The following GAA variants were observed in gnomAD, a reference collection of about 807,000 sequenced individuals.
GAA encodes alpha glucosidase, also known as lysosomal alpha-glucosidase.
In GAA, 88 loss-of-function variants were observed where a neutral mutation model predicts 103.9. The observed-to-expected ratio is 0.85, with a 90% CI of 0.71 to 1.01. The LOEUF (loss-of-function observed/expected upper bound fraction) is 1.01. Ranked by LOEUF, GAA falls within the 50% of genes least tolerant of loss-of-function variation. GAA has a pLI of 0.00. For missense variants in GAA, 1,350 were observed against 1,305.3 expected (o/e 1.03, Z -0.53); for synonymous variants, 572 against 563.1 (o/e 1.02, Z -0.22).
intron 9 of GAA, 41 bp downstream of exon 9, chr17:80,110,096 GC>G: frequency 6.6e-7 from 1 of 1,526,700 alleles, no homozygotes; most frequent in Non-Finnish European, 9.1e-7. Context: ...GAAAGCAGAG[GC>G]CTCCAGCCAG....
At chr17:80,111,900 C>G (rs2039243715) in intron 11 of GAA, 83 bp from the exon 12 acceptor site, 1 of 1,167,550 alleles carries the variant, frequency 8.6e-7, no homozygotes, top group East Asian at 2.4e-5. Context: ...TGCACAGGGG[C>G]TCCTGGGAGG....
chr17:80,112,917 G>A lies in GAA; in HGVS notation c.1930G>A (p.Ala644Thr). The change falls in exon 14 of 20, where the codon GCC becomes ACC. Residue 644 changes from alanine to threonine, a missense_variant. By Grantham distance (58) the Ala-to-Thr change is moderately conservative (BLOSUM62 0). Coordinates refer to ENST00000302262, the MANE Select transcript of GAA (RefSeq NM_000152.5). ...FNLLGVPLVG[A>T]DVCGFLGNTS... ...CCTGCTGGGGGTGCCTCTGGTCGGG[G>A]CCGACGTCTGCGGCTTCCTGGGCAA... The A allele has an allele frequency of 6.2e-7, 1 of 1,610,512 alleles. No homozygotes were observed. Among genetic ancestry groups the A allele is most frequent in the Non-Finnish European group, 8.5e-7 (1 of 1,178,812 alleles).
chr17:80,118,101 T>TG (rs3214708), intron 17 of GAA, 92 bp from the exon 18 acceptor site: 15,113 of 1,425,472 alleles, frequency 0.011, 251 homozygotes, highest in African/African-American at 0.068. Flanking sequence ...ACTGGCAGCC[T>TG]GGTGCTGTAC....
At position 80,105,619 on chromosome 17, in the gene GAA, T is replaced by C. The variant is rs141541024; in HGVS notation, c.547-130T>C. On this transcript the variant is annotated intron_variant, in intron 2 of 19. Coordinates refer to ENST00000302262, the MANE Select transcript of GAA (RefSeq NM_000152.5). ...TGAGGGAGCCGAGGCTCAGAGAGGC[T>C]GAATGTGCTGCCCATGGTCCCACAT... is the stretch of plus-strand genomic sequence containing the variant. 72 of 1,126,248 alleles carry C rather than the reference T, an allele frequency of 6.4e-5. No individual in the cohort carries two copies. In the African/African-American group the frequency reaches 1.0e-3, roughly 16 times the overall value. 69.8% of individuals were successfully genotyped at this position (1,126,248 alleles called of 1,614,324 possible). A position where few individuals can be genotyped will look rare whatever the true frequency, so the allele number is the denominator to read the frequency against.
At chr17:80,109,189 GCCTTCTGGCCGTGCCTCT>G (rs1308756680) in intron 8 of GAA, among the ~76,000 whole-genome samples, 3 of 152,354 alleles carry the variant, frequency 2.0e-5, no homozygotes, top group South Asian at 2.1e-4. Flanking sequence ...GGCTCCGTGT[GCCTTCTGGCCGTGCCTCT>G]CCTTCTGGCC....
Position 80,119,652 on chromosome 17 carries a change from TG to T in GAA, c.*322del, listed in dbSNP as rs1219285344. 1 of 379,690 alleles carries T rather than the reference TG, an allele frequency of 2.6e-6. No homozygotes were observed. Among genetic ancestry groups the T allele is most frequent in the Non-Finnish European group, 5.1e-6 (1 of 196,874 alleles). 23.5% of individuals were successfully genotyped at this position (379,690 alleles called of 1,614,324 possible). ...GTAGTATTAGCCACCCCCCTCCATCTGTTCCCAGCACCGGAGAAGGGGGTGC... is the reference window on the plus strand; with the variant it reads ...GTAGTATTAGCCACCCCCCTCCATCTTTCCCAGCACCGGAGAAGGGGGTGC... On this transcript the variant is annotated 3_prime_UTR_variant, in exon 20 of 20. Transcript: ENST00000302262.
At chr17:80,118,148 C>T in intron 17 of GAA, 45 bp from the exon 18 acceptor site, 1 of 1,606,952 alleles carries the variant, frequency 6.2e-7, no homozygotes, top group Non-Finnish European at 8.5e-7. Flanking sequence ...GCCTCCACCT[C>T]CACCAGGGTG....
chr17:80,104,578 T>C lies in GAA; in HGVS notation c.-9T>C, dbSNP rs780064272. The C allele has an allele frequency of 4.0e-5, 64 of 1,608,292 alleles. 1 individual carries two copies. In the South Asian group the frequency reaches 6.9e-4, roughly 17 times the overall value. On this transcript the variant is annotated 5_prime_UTR_variant, in exon 2 of 20. Coordinates refer to ENST00000302262, the MANE Select transcript of GAA (RefSeq NM_000152.5). This position sits in a 1 kb window ranked among gnomAD's most constrained non-coding sequence, Gnocchi z 4.0. The stretch of plus-strand genomic sequence containing the variant: ...AGGCCTGTAGGAGCTGTCCAGGCCA[T>C]CTCCAACCATGGGAGTGAGGCACCC...
intron 11 of GAA, 71 bp from the exon 12 acceptor site, chr17:80,111,912 G>T: frequency 7.7e-7 from 1 of 1,302,138 alleles, no homozygotes; most frequent in African/African-American, 1.4e-5. Flanking sequence ...CCTGGGAGGT[G>T]GGGGGCAGGG....
chr17:80,114,339 A>G (rs2039316167), intron 15 of GAA, among the ~76,000 whole-genome samples: 1 of 152,122 alleles, frequency 6.6e-6, no homozygotes, highest in Non-Finnish European at 1.5e-5. Flanking sequence ...TGGTATCCAC[A>G]CATTCTTCAC....
Position 80,108,830 on chromosome 17 carries a change from T to C in GAA, c.1326+2T>C, listed in dbSNP as rs1434761678. 6.3e-7 allele frequency: 1 copy of C among 1,587,958 alleles called. No homozygotes were observed. Among genetic ancestry groups the C allele is most frequent in the South Asian group, 1.1e-5 (1 of 87,994 alleles). On this transcript the variant is annotated splice_donor_variant, in intron 8 of 19. Transcript: ENST00000302262. LOFTEE classifies it high-confidence loss of function. ...GGCCGGCGCTACATGATGATCGTGG[T>C]GTGTGCCCCCACACTGTGGGTCTTT...
chr17:80,119,115 G>C (rs917105551), intron 19 of GAA, among the ~76,000 whole-genome samples, 157 bp from the exon 20 acceptor site: 3 of 152,158 alleles, frequency 2.0e-5, no homozygotes, highest in African/African-American at 4.8e-5. Context: ...GGGAGGAACC[G>C]GGTGCGAAGC....
rs745762120 is a variant in GAA at position 80,107,652 on chromosome 17, A to G, written c.788A>G (p.His263Arg). 1 of 1,612,966 alleles carries G rather than the reference A, an allele frequency of 6.2e-7. No homozygotes were observed. The highest frequency in any genetic ancestry group is 1.1e-5 in the South Asian group (1 of 91,084). Residue 263 changes from histidine to arginine, a missense_variant, in exon 4 of 20, where the codon CAC becomes CGC. Transcript: ENST00000302262. ...CAGTATATCACAGGCCTCGCCGAGC[A>G]CCTCAGTCCCCTGATGCTCAGCACC... ...PSQYITGLAE[H>R]LSPLMLSTSW...
At position 80,110,082 on chromosome 17, in the gene GAA, G is replaced by T. The variant is rs574824129; in HGVS notation, c.1437+27G>T. The T allele has an allele frequency of 2.5e-6, 4 of 1,590,166 alleles. No homozygotes were observed. The African/African-American group carries it at 4.0e-5, about 16-fold the overall frequency. On this transcript the variant is annotated intron_variant, in intron 9 of 19. Coordinates refer to ENST00000302262, the MANE Select transcript of GAA (RefSeq NM_000152.5). ...TAGGGCGAGGGTCCAGGGGACGGGG[G>T]TTAGAAAGCAGAGGCCTCCAGCCAG...
Position 80,104,973 on chromosome 17 carries a change from C to G in GAA, c.387C>G (p.Phe129Leu). ...AGATGGGGCAGCCCTGGTGCTTCTT[C>G]CCACCCAGCTACCCCAGCTACAAGC... ...GAQMGQPWCF[F>L]PPSYPSYKLE... The change falls in exon 2 of 20, where the codon TTC becomes TTG. Residue 129 changes from phenylalanine (F) to leucine (L), a missense_variant. By Grantham distance (22) the Phe-to-Leu change is conservative. Transcript: ENST00000302262. This position sits in a 1 kb window ranked among gnomAD's most constrained non-coding sequence, Gnocchi z 4.0. The G allele has an allele frequency of 6.2e-7, 1 of 1,612,710 alleles. No individual in the cohort carries two copies. Among genetic ancestry groups the G allele is most frequent in the Non-Finnish European group, 8.5e-7 (1 of 1,179,934 alleles).
At position 80,111,143 on chromosome 17, in the gene GAA, G is replaced by A. The variant is rs4889817; in HGVS notation, c.1636+118G>A. The A allele has an allele frequency of 0.011, 10,073 of 884,728 alleles. 160 individuals carry two copies. The highest frequency in any genetic ancestry group is 0.052 in the East Asian group (1,828 of 35,352). 54.8% of individuals were successfully genotyped at this position (884,728 alleles called of 1,614,324 possible). ...CAGATGGGCCAGCGGGGAAAGGGGC[G>A]GGGGGGGGATCCCCAGGAGAAAGGC... is the stretch of plus-strand genomic sequence containing the variant. On this transcript the variant is annotated intron_variant, in intron 11 of 19. Transcript: ENST00000302262.
chr17:80,117,058 G>A lies in GAA; in HGVS notation c.2280G>A (p.Lys760=). The A allele has an allele frequency of 6.2e-7, 1 of 1,613,546 alleles. No individual in the cohort carries two copies. The highest frequency in any genetic ancestry group is 8.5e-7 in the Non-Finnish European group (1 of 1,180,020). The change falls in exon 16 of 20, where the codon AAG becomes AAA. Residue 760 remains lysine (K), a synonymous_variant. Coordinates refer to ENST00000302262, the MANE Select transcript of GAA (RefSeq NM_000152.5). ...LLITPVLQAG[K]AEVTGYFPLG... ...TCACCCCAGTGCTCCAGGCCGGGAAGGCCGAAGTGACTGGCTACTTCCCCT... is the reference window on the plus strand; with the variant it reads ...TCACCCCAGTGCTCCAGGCCGGGAAAGCCGAAGTGACTGGCTACTTCCCCT...
At chr17:80,118,456 C>T in intron 18 of GAA, 99 bp downstream of exon 18, 2 of 1,477,710 alleles carry the variant, frequency 1.4e-6, no homozygotes, top group East Asian at 2.3e-5. Context: ...TGGCTACCTG[C>T]CACTAGGACA....
rs745482879 is a variant in GAA at position 80,110,943 on chromosome 17, C to T, written c.1554C>T (p.Asp518=). The stretch of plus-strand genomic sequence containing the variant: ...TACCAGCAGCGCTTCTCTTGCAGGA[C>T]ATGAACGAGCCTTCCAACTTCATCA... ...DQVPFDGMWI[D]MNEPSNFIRG... The change falls in exon 11 of 20, where the codon GAC becomes GAT. Residue 518 remains aspartate, a splice_region_variant and synonymous_variant. Transcript: ENST00000302262. The T allele has an allele frequency of 1.2e-5, 19 of 1,613,960 alleles. No individual in the cohort carries two copies. The South Asian group carries it at 1.9e-4, about 16-fold the overall frequency.
Sources: allele counts gnomAD v4.1 joint callset (sites outside exome capture counted in the v4.1 genomes callset), GRCh38; gene constraint gnomAD v4.1.1; non-coding constraint Gnocchi (gnomAD v3.1); transcripts MANE v1.5; gene names NCBI Gene and HGNC (gene_info 2026-07-23, HGNC 2026-07-21).